STMN4: variants seen among roughly 807,000 people sequenced by gnomAD.
STMN4 encodes stathmin 4, also known as stathmin-4.
Under a neutral mutation model 29.1 loss-of-function variants are expected in STMN4, and 12 were observed. That is an observed-to-expected ratio of 0.41 (90% confidence interval 0.26 to 0.67). The LOEUF is 0.67. Among genes scored for constraint, STMN4 ranks in the 30% least tolerant of loss-of-function variants. The pLI, the probability that STMN4 is intolerant of heterozygous loss-of-function variation, is 0.30. For synonymous variants in STMN4, 114 were observed against 105.3 expected (o/e 1.08, Z -0.51); for missense variants, 181 against 262.8 (o/e 0.69, Z 2.15).
At chr8:27,242,527 T>G (rs1801506516) in intron 2 of STMN4, 35 bp from the exon 3 acceptor site, 2 of 1,603,998 alleles carry the variant, frequency 1.2e-6, no homozygotes, top group East Asian at 4.5e-5. Flanking sequence ...GGATGGCGCC[T>G]CTCCTAGCCT....
rs1255990043 is a variant in STMN4, at chr8:27,240,069, T to G, written c.493A>C (p.Ile165Leu). 1 of 1,614,254 alleles carries G rather than the reference T, an allele frequency of 6.2e-7. No homozygotes were observed. The highest frequency in any genetic ancestry group is 8.5e-7 in the Non-Finnish European group (1 of 1,180,052). Residue 165 changes from isoleucine to leucine, a missense_variant, in exon 6 of 7, where the codon ATC (isoleucine) becomes CTC (leucine). Physicochemically the swap from Ile to Leu is conservative, Grantham distance 5. Coordinates refer to ENST00000350889, the MANE Select transcript of STMN4 (RefSeq NM_030795.4). ...GCCAGTTTTTCCTTAGCCATCTTGA[T>G]GAAGTTGTTGTTTTCCTCAATGGCC... ...QKAIEENNNF[I>L]KMAKEKLAQK...
chr8:27,240,459 C>T (rs1405999269), intron 5 of STMN4, among the ~76,000 whole-genome samples: 4 of 152,108 alleles, frequency 2.6e-5, no homozygotes, highest in Non-Finnish European at 5.9e-5. Context: ...ATGTGCCAGG[C>T]ACTGGTCTAA....
rs188049311 is a variant in STMN4, at chr8:27,242,427, G to A, written c.79C>T (p.Pro27Ser). The change falls in exon 3 of 7, where the codon CCC (proline) becomes TCC (serine). Residue 27 changes from proline (P) to serine (S), a missense_variant. Pro to Ser is a moderately conservative substitution (Grantham distance 74). Transcript: ENST00000350889. ...TATTTGTAGGACGACTTATTCAGGG[G>A]ATCGGCCAGGAAGCAGGAGCAGAAC... ...SLFCSCFLAD[P>S]LNKSSYKYEG... is the part of the protein sequence containing the mutation. 12 of 1,614,084 alleles carry A rather than the reference G, an allele frequency of 7.4e-6. No homozygotes were observed. The African/African-American group carries it at 1.6e-4, about 22-fold the overall frequency.
chr8:27,237,675 A>G (rs1801348951), intron 6 of STMN4, among the ~76,000 whole-genome samples: 1 of 152,210 alleles, frequency 6.6e-6, no homozygotes, highest in Admixed American at 6.5e-5. Flanking sequence ...TAGTGCAGCC[A>G]AAAGATAGCA....
At chr8:27,239,668 CT>C (rs1586003661) in intron 6 of STMN4, 1 of 1,418,518 alleles carries the variant, frequency 7.0e-7, no homozygotes. Context: ...ATCTCTACTC[CT>C]TTGTATTAGA....
chr8:27,242,495 G>A lies in STMN4; in HGVS notation c.14-3C>T. ...CTCCTTCATCTTCTCTTTGTAGGCT[G>A]CGGAAACACCCAGTCAGGTGAGGAT... On this transcript the variant is annotated splice_polypyrimidine_tract_variant and splice_region_variant and intron_variant, in intron 2 of 6. Coordinates refer to ENST00000350889, the MANE Select transcript of STMN4 (RefSeq NM_030795.4). 1 of 1,614,056 alleles carries A rather than the reference G, an allele frequency of 6.2e-7. No individual in the cohort carries two copies. Among genetic ancestry groups the A allele is most frequent in the Non-Finnish European group, 8.5e-7 (1 of 1,179,936 alleles).
rs201374137 is a variant in STMN4 at position 27,239,964 on chromosome 8, C to T, written c.591+7G>A. 7.3e-5 allele frequency: 118 copies of T among 1,614,220 alleles called. No homozygotes were observed. Among genetic ancestry groups the T allele is most frequent in the Middle Eastern group, 1.6e-4 (1 of 6,062 alleles). ...AGGAAACTCCTCTCTAGCCAGGGAC[C>T]CCTCACCTTCTCTTGCAGCCGTTCC... is the stretch of plus-strand genomic sequence containing the variant. On this transcript the variant is annotated splice_region_variant and intron_variant, in intron 6 of 6. Transcript: ENST00000350889.
At chr8:27,240,587 AG>A (rs1203150064) in intron 5 of STMN4, among the ~76,000 whole-genome samples, 1 of 152,190 alleles carries the variant, frequency 6.6e-6, no homozygotes. Flanking sequence ...AATTCATGAT[AG>A]GGGATTATTT....
chr8:27,240,820 G>A (rs1446802487), intron 5 of STMN4, among the ~76,000 whole-genome samples: 1 of 152,176 alleles, frequency 6.6e-6, no homozygotes, highest in Non-Finnish European at 1.5e-5. Context: ...ACCTCTTGGA[G>A]GAACATAGCA....
Position 27,236,774 on chromosome 8 carries a change from G to A in STMN4, c.*72C>T. On this transcript the variant is annotated 3_prime_UTR_variant, in exon 7 of 7. Coordinates refer to ENST00000350889, the MANE Select transcript of STMN4 (RefSeq NM_030795.4). ...CCCAGTGCTGGGAGCGCAGCCGGCG[G>A]GCGAGGCTGCCTGGAACGTGGAGCT... The A allele has an allele frequency of 7.1e-7, 1 of 1,412,594 alleles. No individual in the cohort carries two copies. 87.5% of individuals were successfully genotyped at this position (1,412,594 alleles called of 1,614,324 possible). A position where few individuals can be genotyped will look rare whatever the true frequency, so the allele number is the denominator to read the frequency against.
At chr8:27,257,443 C>G (rs1260845286) in intron 1 of STMN4, among the ~76,000 whole-genome samples, 1 of 145,584 alleles carries the variant, frequency 6.9e-6, no homozygotes, top group Non-Finnish European at 1.5e-5. Context: ...TGACCTCTCC[C>G]TCCGACCCCC....
chr8:27,247,113 G>A (rs182658220), intron 1 of STMN4, among the ~76,000 whole-genome samples: 105 of 152,134 alleles, frequency 6.9e-4, no homozygotes, highest in Non-Finnish European at 1.3e-3. Flanking sequence ...AAATTAGCCC[G>A]GCATGGTGGC....
In STMN4 at chr8:27,242,552, C is replaced by G. The variant is rs527772238; in HGVS notation, c.14-60G>C. On this transcript the variant is annotated intron_variant, in intron 2 of 6. Coordinates refer to ENST00000350889, the MANE Select transcript of STMN4 (RefSeq NM_030795.4). ...TCTCCTAGCCTCAGAAGTCAGCGTC[C>G]TCACGGGTCTGGGGCTCTGAGCAGC... 183 of 1,561,516 alleles carry G rather than the reference C, an allele frequency of 1.2e-4. No individual in the cohort carries two copies. The African/African-American group carries it at 2.0e-3, about 17-fold the overall frequency.
chr8:27,237,127 G>A (rs12675791), intron 6 of STMN4, among the ~76,000 whole-genome samples: 19,560 of 152,170 alleles, frequency 0.13, 1,743 homozygotes, highest in East Asian at 0.36. Flanking sequence ...AGGGTCCTGT[G>A]GGTGTCAAAC....
At position 27,240,136 on chromosome 8, in the gene STMN4, G is replaced by T; in HGVS notation, c.426C>A (p.His142Gln). 1 of 1,613,990 alleles carries T rather than the reference G, an allele frequency of 6.2e-7. No homozygotes were observed. Among genetic ancestry groups the T allele is most frequent in the Non-Finnish European group, 8.5e-7 (1 of 1,179,972 alleles). ...RKYQEAELLKHLAEKREHERE... is the reference protein window; with the variant it reads ...RKYQEAELLKQLAEKREHERE... ...TCTCATGTTCCCGTTTCTCTGCTAG[G>T]TGTTTCAGGAGCTCCGCTTCCTGGT... is the stretch of plus-strand genomic sequence containing the variant. Residue 142 changes from histidine to glutamine, a missense_variant, in exon 6 of 7, where the codon CAC (histidine) becomes CAA (glutamine). By Grantham distance (24) the His-to-Gln change is conservative. Coordinates refer to ENST00000350889, the MANE Select transcript of STMN4 (RefSeq NM_030795.4).
chr8:27,241,734 T>C lies in STMN4; in HGVS notation c.133A>G (p.Arg45Gly), dbSNP rs1586007118. 6.2e-7 allele frequency: 1 copy of C among 1,614,144 alleles called. No homozygotes were observed. Among genetic ancestry groups the C allele is most frequent in the South Asian group, 1.1e-5 (1 of 91,084 alleles). Residue 45 changes from arginine to glycine, a missense_variant, in exon 4 of 7, where the codon AGG becomes GGG. Arg to Gly is a moderately radical substitution (Grantham distance 125). Coordinates refer to ENST00000350889, the MANE Select transcript of STMN4 (RefSeq NM_030795.4). ...TCTTTCCGCTGGCTTTCATCCTTCC[T>C]CCTACACTGTCTCCCACACCAGCCT... ...YEGWCGRQCR[R>G]KDESQRKDSA...
chr8:27,239,205 A>G (rs904445910), intron 6 of STMN4: 2 of 1,534,606 alleles, frequency 1.3e-6, no homozygotes, highest in Non-Finnish European at 1.7e-6. Context: ...GGCAGGAAGG[A>G]GCGGGGACCA....
intron 1 of STMN4, among the ~76,000 whole-genome samples, chr8:27,251,553 T>G (rs1021078829): frequency 6.6e-6 from 1 of 151,820 alleles, no homozygotes; most frequent in East Asian, 1.9e-4. Context: ...GCTTTATGAT[T>G]ACATCTATAG....
chr8:27,237,024 T>G, intron 6 of STMN4, 119 bp from the exon 7 acceptor site: 6 of 1,098,090 alleles, frequency 5.5e-6, no homozygotes, highest in Non-Finnish European at 6.4e-6. Flanking sequence ...CGAAGAGCTC[T>G]GTCTGCAAAG....
Sources: allele counts gnomAD v4.1 joint callset (sites outside exome capture counted in the v4.1 genomes callset), GRCh38; gene constraint gnomAD v4.1.1; transcripts MANE v1.5; gene names NCBI Gene and HGNC (gene_info 2026-07-23, HGNC 2026-07-21).